KCNC4: variants seen among roughly 807,000 people sequenced by gnomAD.
The protein encoded by KCNC4 is voltage-gated potassium channel KCNC4.
In KCNC4, 23 loss-of-function variants were observed where a neutral mutation model predicts 42.8. The observed-to-expected ratio is 0.54, with a 90% confidence interval of 0.39 to 0.76. The LOEUF (loss-of-function observed/expected upper bound fraction) is 0.76. Ranked by LOEUF, KCNC4 falls within the 30% of genes least tolerant of loss-of-function variation. KCNC4 has a pLI of 0.00. For synonymous variants in KCNC4, 422 were observed against 393.5 expected, an observed-to-expected ratio of 1.07 and a Z score of -0.86; for missense variants, 751 against 898.2, an observed-to-expected ratio of 0.84 and a Z score of 2.10.
chr1:110,278,787 G>A (rs886445850), intron 1 of KCNC4, among the ~76,000 whole-genome samples: 5 of 152,130 alleles, frequency 3.3e-5, no homozygotes, highest in Non-Finnish European at 5.9e-5. Context: ...CCATCATCAT[G>A]GAAGGCATTC....
At chr1:110,266,122 A>G (rs945296543) in intron 1 of KCNC4, among the ~76,000 whole-genome samples, 2 of 152,148 alleles carry the variant, frequency 1.3e-5, no homozygotes, top group Non-Finnish European at 2.9e-5. Flanking sequence ...AATTCACCCA[A>G]TTCCCCCGAC....
At chr1:110,239,608 C>A (rs1658985414) in exon 4 of KCNC4, 1 of 152,152 alleles carries the variant, frequency 6.6e-6, no homozygotes, top group Admixed American at 6.5e-5. Flanking sequence ...TGGAGATAGG[C>A]CTGGCATGAG....
downstream of KCNC4, among the ~76,000 whole-genome samples, chr1:110,251,485 A>C (rs1557870782): frequency 2.0e-5 from 3 of 152,180 alleles, no homozygotes; most frequent in African/African-American, 7.2e-5. Flanking sequence ...ATTGTGAGGC[A>C]CCCCCAGCCA....
Position 110,210,706 on chromosome 1 carries a change from G to A in KCNC4, c.-794G>A, listed in dbSNP as rs572684363. On this transcript the variant is annotated 5_prime_UTR_variant, in exon 1 of 4. Transcript: ENST00000438661. The stretch of plus-strand genomic sequence containing the variant: ...TCTGAGGCACCCCCGCCCCAGCGCG[G>A]CCCCCGCAGCGCTGCGCCCGGTCCG... Among the ~76,000 whole-genome samples, 205 of 151,308 alleles carry A rather than the reference G, an allele frequency of 1.4e-3. No homozygotes were observed. Among genetic ancestry groups the A allele is most frequent in the Non-Finnish European group, 2.4e-3 (161 of 67,732 alleles).
At chr1:110,236,957 T>G (rs1571062112), downstream of KCNC4, 2 of 152,174 alleles carry the variant, frequency 1.3e-5, no homozygotes, top group African/African-American at 4.8e-5. Context: ...GTAATTTTTG[T>G]GGGTACATAG....
At chr1:110,232,411 C>A in intron 3 of KCNC4, 1 of 1,516,160 alleles carries the variant, frequency 6.6e-7, no homozygotes, top group Non-Finnish European at 8.8e-7. Flanking sequence ...GATGGAGCTA[C>A]TTGGGGGAGA....
chr1:110,262,939 C>T (rs1157356249), intron 1 of KCNC4, among the ~76,000 whole-genome samples: 4 of 152,206 alleles, frequency 2.6e-5, no homozygotes, highest in Non-Finnish European at 5.9e-5. Context: ...TCCGCGTAAC[C>T]CCATCACCTA....
At chr1:110,253,400 G>C (rs1196131879), downstream of KCNC4, among the ~76,000 whole-genome samples, 1 of 152,266 alleles carries the variant, frequency 6.6e-6, no homozygotes, top group Non-Finnish European at 1.5e-5. Flanking sequence ...TGTCTTCACA[G>C]TGGAGGCCAC....
At chr1:110,262,345 C>T (rs1340472639) in intron 1 of KCNC4, among the ~76,000 whole-genome samples, 1 of 152,198 alleles carries the variant, frequency 6.6e-6, no homozygotes, top group Non-Finnish European at 1.5e-5. Flanking sequence ...AGGCATGAGC[C>T]GCTGCACCCA....
At chr1:110,215,239 C>T (rs1386161919) in intron 1 of KCNC4, among the ~76,000 whole-genome samples, 1 of 152,224 alleles carries the variant, frequency 6.6e-6, no homozygotes, top group Non-Finnish European at 1.5e-5. Flanking sequence ...CAGGCAGGCT[C>T]CTGGACTGGG....
chr1:110,212,015 GCCCAGCGAC>G lies in KCNC4; in HGVS notation c.517_525del (p.Pro173_Asp175del), dbSNP rs1657491315. 1 of 1,600,760 alleles carries G rather than the reference GCCCAGCGAC, an allele frequency of 6.2e-7. No individual in the cohort carries two copies. Among genetic ancestry groups the G allele is most frequent in the African/African-American group, 1.3e-5 (1 of 74,506 alleles). On this transcript the variant is annotated inframe_deletion, in exon 1 of 4. Coordinates refer to ENST00000438661, the MANE Select transcript of KCNC4 (RefSeq NM_001039574.3). Reference sequence around the variant, plus strand: ...CGGACGGAGGCGGCAGCGGCGCGGGGCCCAGCGACGAGGCCGGCGACGATGAGCGGGAGC... The same window carrying G: ...CGGACGGAGGCGGCAGCGGCGCGGGGGAGGCCGGCGACGATGAGCGGGAGC...
At chr1:110,257,858 T>G (rs932999046) in intron 1 of KCNC4, among the ~76,000 whole-genome samples, 16 of 152,082 alleles carry the variant, frequency 1.1e-4, no homozygotes, top group Non-Finnish European at 1.8e-4. Context: ...AATCCTAAAA[T>G]GTCCAAGACT....
intron 1 of KCNC4, among the ~76,000 whole-genome samples, chr1:110,277,198 GC>G (rs1659741313): frequency 6.6e-6 from 1 of 152,182 alleles, no homozygotes; most frequent in African/African-American, 2.4e-5. Flanking sequence ...AATGTTCAGG[GC>G]CAGCCAAATG....
At chr1:110,280,606 C>T (rs74401639) in intron 1 of KCNC4, among the ~76,000 whole-genome samples, 3,580 of 152,102 alleles carry the variant, frequency 0.024, 76 homozygotes, top group South Asian at 0.067. Context: ...GCTACACCAT[C>T]GCCTAGTTAT....
chr1:110,271,672 G>T (rs1386653888), intron 1 of KCNC4, among the ~76,000 whole-genome samples: 2 of 152,010 alleles, frequency 1.3e-5, no homozygotes, highest in Non-Finnish European at 2.9e-5. Flanking sequence ...CAAAAAGTGG[G>T]CTAGCTGCCT....
At chr1:110,224,103 T>C (rs1469958315) in intron 2 of KCNC4, 7 of 579,266 alleles carry the variant, frequency 1.2e-5, no homozygotes, top group Non-Finnish European at 2.2e-5. Context: ...GAACATCAGA[T>C]CTTTGGAGTG....
At chr1:110,267,756 A>G (rs1460693963) in intron 1 of KCNC4, among the ~76,000 whole-genome samples, 1 of 151,870 alleles carries the variant, frequency 6.6e-6, no homozygotes, top group Non-Finnish European at 1.5e-5. Context: ...AACATGACAG[A>G]CTCCATCTTG....
At chr1:110,274,859 C>T (rs1425081889) in intron 1 of KCNC4, among the ~76,000 whole-genome samples, 2 of 152,076 alleles carry the variant, frequency 1.3e-5, no homozygotes, top group African/African-American at 4.8e-5. Flanking sequence ...ATACAAAAAT[C>T]AATTCAAGAT....
chr1:110,242,938 G>C (rs1659061014), exon 4 of KCNC4: 1 of 152,260 alleles, frequency 6.6e-6, no homozygotes. Flanking sequence ...TCCACGGCCA[G>C]ATTGCTAATT....
Sources: allele counts gnomAD v4.1 joint callset (sites outside exome capture counted in the v4.1 genomes callset), GRCh38; gene constraint gnomAD v4.1.1; transcripts MANE v1.5; gene names NCBI Gene and HGNC (gene_info 2026-07-23, HGNC 2026-07-21).